PTPRQ: variants seen among roughly 807,000 people sequenced by gnomAD.
PTPRQ encodes the protein protein tyrosine phosphatase receptor type Q, also known as phosphatidylinositol phosphatase PTPRQ.
A neutral mutation model predicts 246.0 loss-of-function variants in PTPRQ; 199 were observed. The ratio of observed to expected loss-of-function variants is 0.81; its 90% CI spans 0.72 to 0.91. The LOEUF is 0.91. Among genes scored for constraint, PTPRQ ranks in the 40% least tolerant of loss-of-function variants. The probability of loss-of-function intolerance (pLI) is 0.00; values close to 1 mark genes in which losing one functional copy is unlikely to be tolerated. For synonymous variants in PTPRQ, 869 were observed against 853.2 expected (o/e 1.02, Z -0.32); for missense variants, 2,624 against 2,528.4 (o/e 1.04, Z -0.81).
Position 80,565,048 on chromosome 12 carries a change from G to A in PTPRQ, c.4285+15314G>A, listed in dbSNP as rs1191341061. 2.6e-5 allele frequency among the ~76,000 whole-genome samples: 4 copies of A among 152,122 alleles called. No homozygotes were observed. The South Asian group carries it at 8.3e-4, about 32-fold the overall frequency. Reference sequence around the variant, plus strand: ...CTTAGTCTATAAAACTAAAAATATTGTGAGTTAACGTAATAAGATCTGTAA... The same window carrying A: ...CTTAGTCTATAAAACTAAAAATATTATGAGTTAACGTAATAAGATCTGTAA... On this transcript the variant is annotated intron_variant, in intron 25 of 44. Transcript: ENST00000644991.
At chr12:80,610,882 C>A (rs1355416722) in intron 28 of PTPRQ, among the ~76,000 whole-genome samples, 2 of 150,400 alleles carry the variant, frequency 1.3e-5, no homozygotes, top group African/African-American at 4.9e-5. Context: ...TTTCTTTGCA[C>A]TTATTTAATC....
intron 6 of PTPRQ, 23 bp from the exon 7 acceptor site, chr12:80,468,687 T>C (rs1334297707): frequency 4.0e-6 from 6 of 1,516,774 alleles, no homozygotes; most frequent in Middle Eastern, 1.9e-4. Flanking sequence ...ATGTTATGTA[T>C]TTATTTTCTA....
At chr12:80,454,479 C>T (rs1892902944) in intron 3 of PTPRQ, 1 of 701,920 alleles carries the variant, frequency 1.4e-6, no homozygotes, top group Non-Finnish European at 2.6e-6. Flanking sequence ...TGCTTGATCG[C>T]TCTGGCTAGG....
chr12:80,616,234 A>G lies in PTPRQ; in HGVS notation c.5198A>G (p.Lys1733Arg). The change falls in exon 30 of 45, where the codon AAG (lysine) becomes AGG (arginine). Residue 1733 changes from lysine (K) to arginine (R), a missense_variant. Transcript: ENST00000644991. ...GTCAATAGTGCTGGTGCAGGTCCAA[A>G]GGTTCCGATGAGAATAACCATGGAT... Reference protein sequence around the residue: ...YAVNSAGAGPKVPMRITMDIK... With the variant: ...YAVNSAGAGPRVPMRITMDIK... 6.7e-7 allele frequency: 1 copy of G among 1,494,388 alleles called. No homozygotes were observed. The highest frequency in any genetic ancestry group is 1.3e-5 in the South Asian group (1 of 74,624). The allele number at this position is 1,494,388 out of a possible 1,614,324, so 92.6% of individuals were successfully genotyped here.
At chr12:80,484,019 GTTTT>G (rs1297676386) in intron 8 of PTPRQ, among the ~76,000 whole-genome samples, 1 of 139,590 alleles carries the variant, frequency 7.2e-6, no homozygotes, top group Non-Finnish European at 1.5e-5. Context: ...TTGTTTGTTT[GTTTT>G]TTGATGGAGT....
intron 17 of PTPRQ, among the ~76,000 whole-genome samples, chr12:80,520,374 T>G (rs1437107519): frequency 1.3e-5 from 2 of 152,190 alleles, no homozygotes; most frequent in Non-Finnish European, 1.5e-5. Context: ...TTTTTTAAAA[T>G]TATACTTTAA....
rs1555198001 is a variant in PTPRQ at position 80,558,119 on chromosome 12, C to CTTTCTTTTCTTT, written c.4285+8387_4285+8398dup. On this transcript the variant is annotated intron_variant, in intron 25 of 44. Transcript: ENST00000644991. The stretch of plus-strand genomic sequence containing the variant: ...CCCTCCTTTCTTCTTTCTTTTCTTT[C>CTTTCTTTTCTTT]TTTCTTTTCTTTTCTTTTCTTTTCT... Among the ~76,000 whole-genome samples the CTTTCTTTTCTTT allele has an allele frequency of 4.7e-4, 45 of 95,680 alleles. 2 individuals are homozygous for CTTTCTTTTCTTT. The highest frequency in any genetic ancestry group is 2.0e-3 in the African/African-American group (40 of 20,156). The allele number at this position is 95,680 out of a possible 152,430, so 62.8% of individuals were successfully genotyped here. A position where few individuals can be genotyped will look rare whatever the true frequency, so the allele number is the denominator to read the frequency against.
At chr12:80,591,699 G>GAAAT (rs1897808617) in intron 26 of PTPRQ, among the ~76,000 whole-genome samples, 1 of 152,162 alleles carries the variant, frequency 6.6e-6, no homozygotes, top group Admixed American at 6.5e-5. Flanking sequence ...CTAGAAAACA[G>GAAAT]AAATAAATAA....
At chr12:80,540,231 A>AT (rs1299516683) in intron 20 of PTPRQ, among the ~76,000 whole-genome samples, 2 of 152,032 alleles carry the variant, frequency 1.3e-5, no homozygotes, top group Admixed American at 1.3e-4. Context: ...ACATGGATGA[A>AT]TTTTCCAGTA....
chr12:80,558,452 G>A (rs1896726167), intron 25 of PTPRQ, among the ~76,000 whole-genome samples: 1 of 147,740 alleles, frequency 6.8e-6, no homozygotes, highest in Admixed American at 6.8e-5. Flanking sequence ...ACAGACATGA[G>A]CCACTGCACC....
intron 32 of PTPRQ, among the ~76,000 whole-genome samples, chr12:80,621,649 T>C (rs1197609330): frequency 1.3e-5 from 2 of 152,168 alleles, no homozygotes; most frequent in South Asian, 2.1e-4. Flanking sequence ...TATATCATCA[T>C]TTTAATCTAA....
chr12:80,517,248 A>G (rs555942788), intron 17 of PTPRQ, among the ~76,000 whole-genome samples: 33 of 152,236 alleles, frequency 2.2e-4, no homozygotes, highest in African/African-American at 7.0e-4. Flanking sequence ...CACTTTTGCC[A>G]TATTTCCTGT....
rs567115388 is a variant in PTPRQ, at chr12:80,527,767, C to T, written c.2679-6248C>T. 1.1e-4 allele frequency among the ~76,000 whole-genome samples: 16 copies of T among 152,146 alleles called. No individual in the cohort carries two copies. In the East Asian group the frequency reaches 3.1e-3, roughly 30 times the overall value. On this transcript the variant is annotated intron_variant, in intron 17 of 44. Coordinates refer to ENST00000644991, the MANE Select transcript of PTPRQ (RefSeq NM_001145026.2). ...TTGGGAGGCCAAGGTGGGCAGATGG[C>T]TTGATCCCAGGAGTCTGAGACCAGC...
intron 9 of PTPRQ, among the ~76,000 whole-genome samples, chr12:80,486,472 T>A (rs2120619327): frequency 6.6e-6 from 1 of 152,234 alleles, no homozygotes. Context: ...AAGCTTTAAA[T>A]CCAAATGGCC....
At chr12:80,677,667 T>C (rs1234535212) in intron 43 of PTPRQ, among the ~76,000 whole-genome samples, 1 of 152,162 alleles carries the variant, frequency 6.6e-6, no homozygotes, top group African/African-American at 2.4e-5. Flanking sequence ...GAAATAGATA[T>C]TCCTAATAAT....
intron 25 of PTPRQ, among the ~76,000 whole-genome samples, chr12:80,585,297 C>G (rs902375392): frequency 1.6e-4 from 24 of 152,114 alleles, no homozygotes; most frequent in African/African-American, 5.8e-4. Context: ...CTCTCTTTCT[C>G]TGATATTTCA....
chr12:80,450,473 C>T (rs1249247102), intron 3 of PTPRQ, among the ~76,000 whole-genome samples: 3 of 152,142 alleles, frequency 2.0e-5, no homozygotes, highest in Non-Finnish European at 4.4e-5. Context: ...AAAGGGAATG[C>T]TTCTGGTTTT....
chr12:80,444,822 A>G lies in PTPRQ; in HGVS notation c.136A>G (p.Thr46Ala), dbSNP rs1204774351. Residue 46 changes from threonine (T) to alanine (A), a missense_variant, in exon 2 of 45, where the codon ACT (threonine) becomes GCT (alanine). Physicochemically the swap from Thr to Ala is moderately conservative, Grantham distance 58. Transcript: ENST00000644991. ...SISTTYTSPVTRIVTTNVTKP... is the reference protein window; with the variant it reads ...SISTTYTSPVARIVTTNVTKP... ...TTCTACAACATACACCTCACCTGTT[A>G]CTAGAATAGTGACAACAAATGTAAC... 3 of 1,535,170 alleles carry G rather than the reference A, an allele frequency of 2.0e-6. No homozygotes were observed. Among genetic ancestry groups the G allele is most frequent in the Admixed American group, 2.0e-5 (1 of 50,324 alleles).
chr12:80,461,927 G>A (rs1355469338), intron 6 of PTPRQ: 2 of 15,758 alleles, frequency 1.3e-4, no homozygotes, highest in South Asian at 1.8e-3. Context: ...ACAGCTCCCA[G>A]CATGAGCGAT....
Sources: gnomAD v4.1 joint callset for allele counts (sites outside exome capture counted in the v4.1 genomes callset) on GRCh38, gnomAD v4.1.1 for gene constraint, MANE v1.5 for transcripts, NCBI Gene and HGNC (gene_info 2026-07-23, HGNC 2026-07-21) for gene names.